The following MS4A4A variants were observed in gnomAD, a reference collection of about 807,000 sequenced individuals.
The protein encoded by MS4A4A is membrane spanning 4-domains A4A.
A neutral mutation model predicts 28.0 loss-of-function variants in MS4A4A; 26 were observed. The observed-to-expected ratio is 0.93, with a 90% CI of 0.68 to 1.29. The LOEUF is 1.29. MS4A4A is among the 50% of genes most tolerant of loss of function. The pLI, the probability that MS4A4A is intolerant of heterozygous loss-of-function variation, is 0.00. For synonymous variants in MS4A4A, 86 were observed against 100.8 expected, an observed-to-expected ratio of 0.85 and a Z score of 0.88; for missense variants, 290 against 293.1, an observed-to-expected ratio of 0.99 and a Z score of 0.08.
At chr11:60,304,215 T>C (rs2084977800) in intron 5 of MS4A4A, among the ~76,000 whole-genome samples, 1 of 152,176 alleles carries the variant, frequency 6.6e-6, no homozygotes, top group South Asian at 2.1e-4. Flanking sequence ...GTTCTCTTCA[T>C]TGGTAGATTT....
At chr11:60,284,745 T>C (rs776872307) in intron 1 of MS4A4A, among the ~76,000 whole-genome samples, 2 of 152,244 alleles carry the variant, frequency 1.3e-5, no homozygotes, top group East Asian at 3.8e-4. Flanking sequence ...TTCAGACCTA[T>C]ATCGACACTT....
chr11:60,298,227 A>G (rs2084922792), intron 3 of MS4A4A, among the ~76,000 whole-genome samples: 1 of 152,156 alleles, frequency 6.6e-6, no homozygotes, highest in Admixed American at 6.5e-5. Flanking sequence ...AGTTGGGTTT[A>G]TGTTAGAATC....
In MS4A4A at chr11:60,293,183, G is replaced by T. The variant is rs546057497; in HGVS notation, c.201+799G>T. On this transcript the variant is annotated intron_variant, in intron 2 of 6. Coordinates refer to ENST00000337908, the MANE Select transcript of MS4A4A (RefSeq NM_148975.3). ...AGAGATTCTCCTGCCTCAGCCTCCTGAGTAGTTGGGATTACAGGCATGAGC... is the reference window on the plus strand; with the variant it reads ...AGAGATTCTCCTGCCTCAGCCTCCTTAGTAGTTGGGATTACAGGCATGAGC... Among the ~76,000 whole-genome samples the T allele has an allele frequency of 1.6e-4, 24 of 152,164 alleles. No individual in the cohort carries two copies. The South Asian group carries it at 5.0e-3, about 32-fold the overall frequency.
Position 60,286,691 on chromosome 11 carries a change from G to A in MS4A4A, c.42-5534G>A, listed in dbSNP as rs547214396. On this transcript the variant is annotated intron_variant, in intron 1 of 6. Transcript: ENST00000337908. ...TTGAAGTTTATTTTACATGATCTAAGTACAGGTAATTATTCTCTTTAGGCT... is the reference window on the plus strand; with the variant it reads ...TTGAAGTTTATTTTACATGATCTAAATACAGGTAATTATTCTCTTTAGGCT... Among the ~76,000 whole-genome samples the A allele has an allele frequency of 9.9e-5, 15 of 152,236 alleles. No individual in the cohort carries two copies. The South Asian group carries it at 2.5e-3, about 25-fold the overall frequency.
intron 1 of MS4A4A, among the ~76,000 whole-genome samples, chr11:60,287,310 T>C (rs776057854): frequency 5.3e-5 from 8 of 152,132 alleles, no homozygotes; most frequent in Non-Finnish European, 1.2e-4. Context: ...GTGAGGATAA[T>C]CCCATGAAGG....
At chr11:60,292,508 T>A in intron 2 of MS4A4A, 124 bp downstream of exon 2, 1 of 964,558 alleles carries the variant, frequency 1.0e-6, no homozygotes, top group Non-Finnish European at 1.4e-6. Flanking sequence ...CGTCAGTAAT[T>A]ACTTTTCAGG....
chr11:60,292,364 G>A lies in MS4A4A; in HGVS notation c.181G>A (p.Gly61Arg), dbSNP rs1230242124. Residue 61 changes from glycine to arginine, a missense_variant, in exon 2 of 7, where the codon GGA (glycine) becomes AGA (arginine). Gly to Arg is a moderately radical substitution (Grantham distance 125). Coordinates refer to ENST00000337908, the MANE Select transcript of MS4A4A (RefSeq NM_148975.3). ...AGGATTGCAAGAGAAGTTCTTGAAG[G>A]GAGAACCCAAAGTCCTTGGGGTAAG... ...WKGLQEKFLKGEPKVLGVVQI... is the reference protein window; with the variant it reads ...WKGLQEKFLKREPKVLGVVQI... 1 of 1,599,596 alleles carries A rather than the reference G, an allele frequency of 6.3e-7. No individual in the cohort carries two copies. Among genetic ancestry groups the A allele is most frequent in the Non-Finnish European group, 8.5e-7 (1 of 1,174,496 alleles).
chr11:60,307,993 A>G (rs2085019717), intron 6 of MS4A4A, 114 bp from the exon 7 acceptor site: 1 of 927,310 alleles, frequency 1.1e-6, no homozygotes, highest in African/African-American at 1.6e-5. Context: ...GATCTTGAGA[A>G]TGAATCAGAG....
chr11:60,304,142 C>G (rs150358869), intron 5 of MS4A4A, among the ~76,000 whole-genome samples: 156 of 152,288 alleles, frequency 1.0e-3, no homozygotes, highest in African/African-American at 3.6e-3. Context: ...AATTTCTTGT[C>G]TCTAATTCCC....
At chr11:60,290,129 G>T in intron 1 of MS4A4A, 1 of 440,706 alleles carries the variant, frequency 2.3e-6, no homozygotes, top group Non-Finnish European at 4.6e-6. Context: ...TTCTAAATAT[G>T]TGTCTTTTTG....
At chr11:60,283,689 T>G (rs1288033150) in intron 1 of MS4A4A, among the ~76,000 whole-genome samples, 1 of 152,234 alleles carries the variant, frequency 6.6e-6, no homozygotes, top group African/African-American at 2.4e-5. Flanking sequence ...AGAATGACTT[T>G]AAATTAAGCC....
At position 60,308,200 on chromosome 11, in the gene MS4A4A, C is replaced by A. The variant is rs1224407631; in HGVS notation, c.*22C>A. On this transcript the variant is annotated 3_prime_UTR_variant, in exon 7 of 7. Coordinates refer to ENST00000337908, the MANE Select transcript of MS4A4A (RefSeq NM_148975.3). The stretch of plus-strand genomic sequence containing the variant: ...TTGAGGCCACCAAAAGATCAACAGA[C>A]AAATGCTCCAGAAATCTATGCTGAC... The A allele has an allele frequency of 1.2e-6, 2 of 1,607,038 alleles. No individual in the cohort carries two copies. Among genetic ancestry groups the A allele is most frequent in the Non-Finnish European group, 8.5e-7 (1 of 1,173,644 alleles).
Position 60,308,137 on chromosome 11 carries a change from A to T in MS4A4A, c.679A>T (p.Met227Leu). 6.2e-7 allele frequency: 1 copy of T among 1,614,088 alleles called. No individual in the cohort carries two copies. The highest frequency in any genetic ancestry group is 8.5e-7 in the Non-Finnish European group (1 of 1,179,966). The change falls in exon 7 of 7, where the codon ATG becomes TTG. Residue 227 changes from methionine (M) to leucine (L), a missense_variant. Met to Leu is a conservative substitution (Grantham distance 15). Coordinates refer to ENST00000337908, the MANE Select transcript of MS4A4A (RefSeq NM_148975.3). ...VVLILPSHSH[M>L]AETASPTPLN... The stretch of plus-strand genomic sequence containing the variant: ...GTTAATTCTGCCATCACATTCTCAC[A>T]TGGCAGAAACAGCATCTCCCACACC...
chr11:60,292,957 C>CT (rs1247877428), intron 2 of MS4A4A, among the ~76,000 whole-genome samples: 2 of 152,060 alleles, frequency 1.3e-5, no homozygotes, highest in African/African-American at 2.4e-5. Context: ...ATTCTGGATC[C>CT]TTTTTTCACA....
intron 1 of MS4A4A, among the ~76,000 whole-genome samples, chr11:60,289,420 A>C (rs1439519955): frequency 6.6e-6 from 1 of 152,142 alleles, no homozygotes; most frequent in Non-Finnish European, 1.5e-5. Context: ...AACTGGGGGA[A>C]GGGGTGGTGG....
Position 60,289,702 on chromosome 11 carries a change from G to A in MS4A4A, c.42-2523G>A, listed in dbSNP as rs137967775. Among the ~76,000 whole-genome samples, 1,486 of 151,640 alleles carry A rather than the reference G, an allele frequency of 9.8e-3. 23 individuals are homozygous for A. The highest frequency in any genetic ancestry group is 0.03 in the African/African-American group (1,222 of 41,316). The stretch of plus-strand genomic sequence containing the variant: ...TAGAATTCTAATCAGACATATTGTA[G>A]ACCTTTTAATTCTACACTTCTAATC... On this transcript the variant is annotated intron_variant, in intron 1 of 6. Transcript: ENST00000337908.
intron 1 of MS4A4A, among the ~76,000 whole-genome samples, chr11:60,281,209 T>C (rs1339675424): frequency 6.6e-6 from 1 of 152,182 alleles, no homozygotes; most frequent in Non-Finnish European, 1.5e-5. Flanking sequence ...TTAGATGGGC[T>C]GTGGCCTGAC....
At position 60,286,936 on chromosome 11, in the gene MS4A4A, G is replaced by A. The variant is rs74237962; in HGVS notation, c.42-5289G>A. On this transcript the variant is annotated intron_variant, in intron 1 of 6. Coordinates refer to ENST00000337908, the MANE Select transcript of MS4A4A (RefSeq NM_148975.3). ...TATTATTTTGGGGGGGTTTGTTTTTGTAGATATTTGTTTCTTTCTTGTGCT... is the reference window on the plus strand; with the variant it reads ...TATTATTTTGGGGGGGTTTGTTTTTATAGATATTTGTTTCTTTCTTGTGCT... Among the ~76,000 whole-genome samples, 20 of 152,214 alleles carry A rather than the reference G, an allele frequency of 1.3e-4. No individual in the cohort carries two copies. The East Asian group carries it at 3.9e-3, about 29-fold the overall frequency.
At chr11:60,298,180 A>C (rs895104090) in intron 3 of MS4A4A, among the ~76,000 whole-genome samples, 2 of 152,068 alleles carry the variant, frequency 1.3e-5, no homozygotes, top group Non-Finnish European at 2.9e-5. Context: ...TAAAATACCA[A>C]GTTTTATCCA....
Sources: gnomAD v4.1 joint callset for allele counts (sites outside exome capture counted in the v4.1 genomes callset) on GRCh38, gnomAD v4.1.1 for gene constraint, MANE v1.5 for transcripts, NCBI Gene and HGNC (gene_info 2026-07-23, HGNC 2026-07-21) for gene names.